The following FBXO10 variants were observed in gnomAD, a reference collection of about 807,000 sequenced individuals.
The protein encoded by FBXO10 is F-box protein 10.
In FBXO10, 39 loss-of-function variants were observed where a neutral mutation model predicts 80.7. The observed-to-expected ratio is 0.48, with a 90% CI of 0.37 to 0.63. The LOEUF is 0.63. FBXO10 is among the 30% of genes least tolerant of loss of function. The probability of loss-of-function intolerance (pLI) is 0.00; values close to 1 mark genes in which losing one functional copy is unlikely to be tolerated. For synonymous variants in FBXO10, 449 were observed against 489.6 expected, an observed-to-expected ratio of 0.92 and a Z score of 1.09; for missense variants, 1,025 against 1,269.0, an observed-to-expected ratio of 0.81 and a Z score of 2.92.
At position 37,561,530 on chromosome 9, in the gene FBXO10, G is replaced by A. The variant is rs192457697; in HGVS notation, c.-7+14681C>T. On this transcript the variant is annotated intron_variant, in intron 1 of 10. Transcript: ENST00000432825. ...CAAGCAGGCTCTCTGCTGCTGCCTC[G>A]CCCTGTGACTTCAGCACGTCCTTGA... 6.1e-3 allele frequency among the ~76,000 whole-genome samples: 936 copies of A among 152,206 alleles called. 11 individuals carry two copies. The highest frequency in any genetic ancestry group is 0.022 in the African/African-American group (906 of 41,520).
chr9:37,567,498 C>T (rs1187936963), intron 1 of FBXO10, among the ~76,000 whole-genome samples: 1 of 152,068 alleles, frequency 6.6e-6, no homozygotes, highest in Non-Finnish European at 1.5e-5. Flanking sequence ...TATGCTTATC[C>T]TCAATTCCTA....
At chr9:37,528,276 G>A (rs932632211) in intron 5 of FBXO10, among the ~76,000 whole-genome samples, 4 of 152,154 alleles carry the variant, frequency 2.6e-5, no homozygotes, top group African/African-American at 9.7e-5. Flanking sequence ...GGCACAGATG[G>A]TCTGCCGCAA....
rs74171511 is a variant in FBXO10, at chr9:37,550,169, GTTTTTTTTTTTTTT to G, written c.-6-8409_-6-8396del. ...CAGTTTTCTTTTTTTGTCGTCTCAGGTTTTTTTTTTTTTTTTTTTTTTTTTTTTTTTGAGATAGA... is the reference window on the plus strand; with the variant it reads ...CAGTTTTCTTTTTTTGTCGTCTCAGGTTTTTTTTTTTTTTTTTGAGATAGA... On this transcript the variant is annotated intron_variant, in intron 1 of 10. Transcript: ENST00000432825. Among the ~76,000 whole-genome samples the G allele has an allele frequency of 4.3e-4, 29 of 68,034 alleles. 2 individuals carry two copies. Among genetic ancestry groups the G allele is most frequent in the East Asian group, 7.6e-4 (1 of 1,318 alleles). The allele number at this position is 68,034 out of a possible 152,430, so 44.6% of individuals were successfully genotyped here.
At chr9:37,524,388 C>T (rs972764980) in intron 6 of FBXO10, among the ~76,000 whole-genome samples, 4 of 152,218 alleles carry the variant, frequency 2.6e-5, no homozygotes, top group Admixed American at 6.5e-5. Context: ...CTGACAGCCT[C>T]GTTCACTGCT....
At chr9:37,540,050 G>A (rs1246181669) in intron 2 of FBXO10, among the ~76,000 whole-genome samples, 1 of 152,142 alleles carries the variant, frequency 6.6e-6, no homozygotes, top group African/African-American at 2.4e-5. Flanking sequence ...GGCATGTGGA[G>A]AGGAACCCAT....
At chr9:37,561,014 C>A (rs1433366433) in intron 1 of FBXO10, among the ~76,000 whole-genome samples, 1 of 151,946 alleles carries the variant, frequency 6.6e-6, no homozygotes, top group South Asian at 2.1e-4. Flanking sequence ...TGGTGGTGGG[C>A]ACCTGTAGTC....
chr9:37,550,979 T>C (rs1310681441), intron 1 of FBXO10, among the ~76,000 whole-genome samples: 1 of 152,218 alleles, frequency 6.6e-6, no homozygotes, highest in Admixed American at 6.5e-5. Flanking sequence ...TGATTCATCC[T>C]GAGGCAAATT....
rs72739665 is a variant in FBXO10 at position 37,518,533 on chromosome 9, A to G, written c.2201-95T>C. 8,026 of 1,047,404 alleles carry G rather than the reference A, an allele frequency of 7.7e-3. 36 individuals carry two copies. The highest frequency in any genetic ancestry group is 0.022 in the Middle Eastern group (83 of 3,774). The allele number at this position is 1,047,404 out of a possible 1,614,324, so 64.9% of individuals were successfully genotyped here. ...CCTTCCCTGAATTGTGCACTCCGGGAGAACGGAGTGGAGAAGAAGAGGTAC... is the reference window on the plus strand; with the variant it reads ...CCTTCCCTGAATTGTGCACTCCGGGGGAACGGAGTGGAGAAGAAGAGGTAC... On this transcript the variant is annotated intron_variant, in intron 8 of 10. Coordinates refer to ENST00000432825, the MANE Select transcript of FBXO10 (RefSeq NM_012166.3).
chr9:37,518,952 C>G (rs889463857), intron 8 of FBXO10, among the ~76,000 whole-genome samples: 14 of 151,918 alleles, frequency 9.2e-5, no homozygotes, highest in Non-Finnish European at 1.5e-5. Context: ...CTCTGTCGCC[C>G]AGGTTGGAGT....
chr9:37,520,555 A>G, intron 8 of FBXO10, among the ~76,000 whole-genome samples: 1 of 131,444 alleles, frequency 7.6e-6, no homozygotes, highest in Non-Finnish European at 1.6e-5. Context: ...GTAGAAACCA[A>G]GTCTTGTTAT....
chr9:37,531,912 T>A lies in FBXO10; in HGVS notation c.1566A>T (p.Ile522=). 6.2e-7 allele frequency: 1 copy of A among 1,613,706 alleles called. No individual in the cohort carries two copies. The highest frequency in any genetic ancestry group is 8.5e-7 in the Non-Finnish European group (1 of 1,179,688). The change falls in exon 4 of 11, where the codon ATA becomes ATT. Residue 522 remains isoleucine, a synonymous_variant. Coordinates refer to ENST00000432825, the MANE Select transcript of FBXO10 (RefSeq NM_012166.3). ...VDIRKKSNPL[I]LCNQIHHGLR... ...ATAGGGAACGAACACAAAGTACCAG[T>A]ATGAGTGGGTTGGACTTTTTCCGGA... is the stretch of plus-strand genomic sequence containing the variant.
intron 8 of FBXO10, among the ~76,000 whole-genome samples, chr9:37,519,782 C>G (rs1218328102): frequency 6.6e-6 from 1 of 152,164 alleles, no homozygotes; most frequent in Non-Finnish European, 1.5e-5. Context: ...CTACCACTAC[C>G]AGAAGCAAGT....
chr9:37,549,651 A>T (rs1398492212), intron 1 of FBXO10, among the ~76,000 whole-genome samples: 1 of 151,890 alleles, frequency 6.6e-6, no homozygotes, highest in African/African-American at 2.4e-5. Flanking sequence ...TTTTCTTTAC[A>T]ATTTATTTGT....
At chr9:37,562,881 T>C (rs1464634211) in intron 1 of FBXO10, among the ~76,000 whole-genome samples, 2 of 152,132 alleles carry the variant, frequency 1.3e-5, no homozygotes, top group South Asian at 4.1e-4. Context: ...AACAAAGATA[T>C]GTCTACCAAA....
chr9:37,526,787 C>T (rs1289874329), intron 5 of FBXO10, among the ~76,000 whole-genome samples: 23 of 151,536 alleles, frequency 1.5e-4, no homozygotes, highest in Non-Finnish European at 1.5e-5. Flanking sequence ...GTCCTCACAT[C>T]TCCTGCTCTC....
chr9:37,533,665 G>A (rs191192696), intron 3 of FBXO10, among the ~76,000 whole-genome samples: 205 of 152,224 alleles, frequency 1.3e-3, no homozygotes, highest in East Asian at 6.2e-3. Flanking sequence ...GAGGTCAGGA[G>A]TTTGAGACCA....
intron 1 of FBXO10, among the ~76,000 whole-genome samples, chr9:37,556,234 T>C (rs186266538): frequency 2.1e-4 from 32 of 152,364 alleles, no homozygotes; most frequent in African/African-American, 6.3e-4. Context: ...GACACTTTTT[T>C]TCCTTTTATG....
At chr9:37,521,471 TA>T in intron 8 of FBXO10, 97 bp downstream of exon 8, 1 of 1,342,122 alleles carries the variant, frequency 7.5e-7, no homozygotes, top group Non-Finnish European at 9.8e-7. Flanking sequence ...AGTTTACTTT[TA>T]AATTTAAATT....
chr9:37,522,240 C>A, intron 7 of FBXO10: 1 of 624,562 alleles, frequency 1.6e-6, no homozygotes, highest in Non-Finnish European at 2.0e-6. Context: ...CTCTCTCTGT[C>A]CCTCAGTTTT....
Sources: gnomAD v4.1 joint callset for allele counts (sites outside exome capture counted in the v4.1 genomes callset) on GRCh38, gnomAD v4.1.1 for gene constraint, MANE v1.5 for transcripts, NCBI Gene and HGNC (gene_info 2026-07-23, HGNC 2026-07-21) for gene names.